Variants in KCNH5 observed in about 807,000 individuals in gnomAD.
KCNH5 encodes the protein voltage-gated delayed rectifier potassium channel KCNH5.
Under a neutral mutation model 96.1 loss-of-function variants are expected in KCNH5, and 46 were observed. That is an observed-to-expected ratio of 0.48 (90% confidence interval 0.38 to 0.61). The LOEUF (loss-of-function observed/expected upper bound fraction) is 0.61. Ranked by LOEUF, KCNH5 falls within the 20% of genes least tolerant of loss-of-function variation. The pLI is 0.00. For missense variants in KCNH5, 907 were observed against 1,225.8 expected (o/e 0.74, Z 3.88); for synonymous variants, 439 against 449.8 (o/e 0.98, Z 0.30).
At chr14:62,935,648 C>A (rs1238166255) in intron 7 of KCNH5, among the ~76,000 whole-genome samples, 1 of 152,212 alleles carries the variant, frequency 6.6e-6, no homozygotes, top group Non-Finnish European at 1.5e-5. Context: ...GCAGCCCATG[C>A]TCCAGACGTC....
intron 9 of KCNH5, among the ~76,000 whole-genome samples, chr14:62,786,174 G>A (rs570437864): frequency 1.3e-5 from 2 of 152,280 alleles, no homozygotes; most frequent in African/African-American, 2.4e-5. Flanking sequence ...CTGGGTGACA[G>A]AGCAAGACTC....
chr14:62,711,253 A>C (rs531461983), intron 10 of KCNH5, among the ~76,000 whole-genome samples: 2 of 152,148 alleles, frequency 1.3e-5, no homozygotes, highest in South Asian at 2.1e-4. Context: ...AGAACAAACA[A>C]AAGTGTTTGA....
At chr14:63,012,799 A>G (rs1891252835) in intron 2 of KCNH5, among the ~76,000 whole-genome samples, 1 of 151,872 alleles carries the variant, frequency 6.6e-6, no homozygotes, top group African/African-American at 2.4e-5. Flanking sequence ...AAGAGTAAGA[A>G]ACCATAAATA....
rs142737629 is a variant in KCNH5 at position 62,860,555 on chromosome 14, A to G, written c.1370-10703T>C. Among the ~76,000 whole-genome samples, 609 of 152,320 alleles carry G rather than the reference A, an allele frequency of 4.0e-3. 4 individuals carry two copies. The highest frequency in any genetic ancestry group is 0.013 in the African/African-American group (551 of 41,574). ...ACCATTTCAGACTCATTTATTATGGATCAAACAATAGTTCCTAAATGTAAC... is the reference window on the plus strand; with the variant it reads ...ACCATTTCAGACTCATTTATTATGGGTCAAACAATAGTTCCTAAATGTAAC... On this transcript the variant is annotated intron_variant, in intron 7 of 10. Coordinates refer to ENST00000322893, the MANE Select transcript of KCNH5 (RefSeq NM_139318.5).
At chr14:62,849,551 A>G in intron 8 of KCNH5, 102 bp downstream of exon 8, 1 of 890,020 alleles carries the variant, frequency 1.1e-6, no homozygotes, top group East Asian at 2.5e-5. Context: ...ACAGAATAAC[A>G]GTTACGAAGC....
chr14:62,930,636 A>G (rs1566712102), intron 7 of KCNH5, among the ~76,000 whole-genome samples: 1 of 151,932 alleles, frequency 6.6e-6, no homozygotes, highest in African/African-American at 2.4e-5. Flanking sequence ...AAACACCTGT[A>G]ACAGGTTTAC....
intron 6 of KCNH5, among the ~76,000 whole-genome samples, chr14:62,960,379 T>C (rs1322269849): frequency 6.6e-6 from 1 of 152,192 alleles, no homozygotes; most frequent in African/African-American, 2.4e-5. Flanking sequence ...TAGCACACTC[T>C]AGCACTCTTG....
intron 7 of KCNH5, among the ~76,000 whole-genome samples, chr14:62,948,717 T>G (rs941112123): frequency 1.3e-5 from 2 of 151,040 alleles, no homozygotes; most frequent in Non-Finnish European, 2.9e-5. Context: ...AAAAGAGAAT[T>G]TTAGACCAAT....
chr14:62,891,791 A>G (rs917899620), intron 7 of KCNH5, among the ~76,000 whole-genome samples: 1 of 152,112 alleles, frequency 6.6e-6, no homozygotes, highest in Admixed American at 6.5e-5. Flanking sequence ...CATTATTATC[A>G]TATTTTTATG....
At chr14:62,906,038 C>A (rs118009990) in intron 7 of KCNH5, among the ~76,000 whole-genome samples, 3,118 of 152,302 alleles carry the variant, frequency 0.02, 59 homozygotes, top group East Asian at 0.081. Context: ...AGTAAAATCT[C>A]CTTTCATGAG....
chr14:62,931,751 G>A (rs1048104475), intron 7 of KCNH5, among the ~76,000 whole-genome samples: 2 of 152,144 alleles, frequency 1.3e-5, no homozygotes, highest in Admixed American at 1.3e-4. Context: ...GTCTGTTTAA[G>A]AAACAGATGG....
chr14:63,017,052 T>C (rs943606089), intron 1 of KCNH5, 98 bp from the exon 2 acceptor site: 34 of 1,163,448 alleles, frequency 2.9e-5, no homozygotes, highest in Admixed American at 2.6e-4. Flanking sequence ...GATGGACACA[T>C]ACAACTATGG....
chr14:62,866,546 A>G (rs1035986239), intron 7 of KCNH5, among the ~76,000 whole-genome samples: 1 of 152,216 alleles, frequency 6.6e-6, no homozygotes. Flanking sequence ...AATGTCAACT[A>G]TAATAAGCAT....
intron 7 of KCNH5, among the ~76,000 whole-genome samples, chr14:62,873,728 C>T (rs1390219724): frequency 2.0e-5 from 3 of 152,074 alleles, no homozygotes; most frequent in Non-Finnish European, 2.9e-5. Context: ...CAATATTTTT[C>T]CCCGCAATGA....
intron 5 of KCNH5, among the ~76,000 whole-genome samples, chr14:62,986,571 T>A (rs933060801): frequency 6.6e-6 from 1 of 152,100 alleles, no homozygotes; most frequent in Non-Finnish European, 1.5e-5. Context: ...TCAGCCCAGG[T>A]ATCATCTCAC....
rs1884328579 is a variant in KCNH5 at position 62,700,322 on chromosome 14, A to T, written c.*7186T>A. On this transcript the variant is annotated 3_prime_UTR_variant, in exon 11 of 11. Transcript: ENST00000322893. The stretch of plus-strand genomic sequence containing the variant: ...CTGGTTTCCACTTTTCATAACAATC[A>T]CTTAAGAAATCTGTTCCTAATATGA... 6.6e-6 allele frequency: 1 copy of T among 152,178 alleles called. No homozygotes were observed. Among genetic ancestry groups the T allele is most frequent in the Admixed American group, 6.6e-5 (1 of 15,266 alleles). The allele number at this position is 152,178 out of a possible 1,614,324, so 9.4% of individuals were successfully genotyped here. A position where few individuals can be genotyped will look rare whatever the true frequency, so the allele number is the denominator to read the frequency against.
rs566176708 is a variant in KCNH5, at chr14:62,722,793, AATT to A, written c.2020-14341_2020-14339del. 4.1e-3 allele frequency among the ~76,000 whole-genome samples: 631 copies of A among 152,280 alleles called. 3 individuals carry two copies. Among genetic ancestry groups the A allele is most frequent in the Non-Finnish European group, 6.3e-3 (428 of 68,026 alleles). On this transcript the variant is annotated intron_variant, in intron 10 of 10. Transcript: ENST00000322893. ...TGCAACTCTGTACATCAGTCAGGGC[AATT>A]ATTATTATTTCCATTTGACAGTTGA... is the stretch of plus-strand genomic sequence containing the variant.
At chr14:62,781,633 T>C (rs1013057810) in intron 9 of KCNH5, among the ~76,000 whole-genome samples, 1 of 152,214 alleles carries the variant, frequency 6.6e-6, no homozygotes, top group African/African-American at 2.4e-5. Context: ...TTCAGTGATA[T>C]TTCTCCCATT....
intron 9 of KCNH5, among the ~76,000 whole-genome samples, chr14:62,780,262 A>C (rs563234605): frequency 1.3e-5 from 2 of 152,330 alleles, no homozygotes; most frequent in African/African-American, 4.8e-5. Flanking sequence ...TCTTAGTTTC[A>C]TCCTTGCCTC....
Sources: allele counts gnomAD v4.1 joint callset (sites outside exome capture counted in the v4.1 genomes callset), GRCh38; gene constraint gnomAD v4.1.1; transcripts MANE v1.5; gene names NCBI Gene and HGNC (gene_info 2026-07-23, HGNC 2026-07-21).